Variants in DYTN observed in about 807,000 individuals in gnomAD.
The protein encoded by DYTN is dystrotelin.
A neutral mutation model predicts 69.6 loss-of-function variants in DYTN; 75 were observed. The observed-to-expected ratio is 1.08, with a 90% CI of 0.89 to 1.31. The LOEUF (loss-of-function observed/expected upper bound fraction) is 1.31. DYTN is among the 50% of genes most tolerant of loss of function. The probability of loss-of-function intolerance (pLI) is 0.00; values close to 1 mark genes in which losing one functional copy is unlikely to be tolerated. For missense variants in DYTN, 726 were observed against 688.4 expected (o/e 1.05, Z -0.61); for synonymous variants, 252 against 249.1 (o/e 1.01, Z -0.11).
chr2:206,663,653 T>C (rs1018728807), intron 10 of DYTN, among the ~76,000 whole-genome samples: 2 of 152,174 alleles, frequency 1.3e-5, no homozygotes, highest in Non-Finnish European at 2.9e-5. Context: ...AAATTCTGGG[T>C]TCTAAAAAGC....
intron 11 of DYTN, among the ~76,000 whole-genome samples, chr2:206,660,401 C>G (rs1391295197): frequency 6.6e-6 from 1 of 152,150 alleles, no homozygotes; most frequent in African/African-American, 2.4e-5. Flanking sequence ...TACAAACAAT[C>G]TAAAATGTGC....
chr2:206,695,871 C>A (rs1206035043), intron 7 of DYTN, among the ~76,000 whole-genome samples: 1 of 152,206 alleles, frequency 6.6e-6, no homozygotes, highest in African/African-American at 2.4e-5. Flanking sequence ...ATAGTCCCTA[C>A]CTGTCCTATT....
intron 9 of DYTN, among the ~76,000 whole-genome samples, chr2:206,679,555 T>C (rs1427989764): frequency 6.6e-6 from 1 of 152,144 alleles, no homozygotes; most frequent in Non-Finnish European, 1.5e-5. Context: ...TAGTTTAAGG[T>C]CAGGTATATT....
chr2:206,704,879 T>G lies in DYTN; in HGVS notation c.447A>C (p.Arg149=), dbSNP rs748645481. ...GGYDSGPRMT[R]RVLRKLLTDL... ...CTGTTAGTAGTTTTCTCAAAACCCT[T>G]CGAGTCATGCGTGGCCCAGAATCAT... The change falls in exon 5 of 12, where the codon CGA becomes CGC. Residue 149 remains arginine, a synonymous_variant. Transcript: ENST00000452335. The G allele has an allele frequency of 1.9e-6, 3 of 1,613,786 alleles. No homozygotes were observed. In the South Asian group the frequency reaches 3.3e-5, roughly 18 times the overall value.
intron 9 of DYTN, among the ~76,000 whole-genome samples, chr2:206,685,496 G>T (rs1699796556): frequency 6.6e-6 from 1 of 152,048 alleles, no homozygotes; most frequent in Non-Finnish European, 1.5e-5. Flanking sequence ...GTTAATTGTG[G>T]ACCAAGAAAA....
At chr2:206,673,764 C>T (rs72958668) in intron 9 of DYTN, among the ~76,000 whole-genome samples, 21,136 of 152,140 alleles carry the variant, frequency 0.14, 2,438 homozygotes, top group African/African-American at 0.31. Context: ...GAACTTTGTC[C>T]GCTAACGTGG....
chr2:206,661,567 C>A (rs1219847155), intron 11 of DYTN, among the ~76,000 whole-genome samples: 3 of 152,168 alleles, frequency 2.0e-5, no homozygotes, highest in Non-Finnish European at 4.4e-5. Context: ...CCTCAGCCTA[C>A]TCAACATGAA....
intron 2 of DYTN, among the ~76,000 whole-genome samples, 169 bp from the exon 3 acceptor site, chr2:206,707,672 C>A (rs10490747): frequency 0.32 from 49,186 of 151,902 alleles, 8,078 homozygotes; most frequent in East Asian, 0.44. Flanking sequence ...CTTGTGTATA[C>A]TTCAGGCGTT....
intron 9 of DYTN, among the ~76,000 whole-genome samples, chr2:206,677,071 C>T (rs574063125): frequency 3.3e-5 from 5 of 152,220 alleles, no homozygotes; most frequent in African/African-American, 1.2e-4. Context: ...CTCAACCTCC[C>T]GAGTAGCTGG....
At chr2:206,667,060 C>T (rs1220301961) in intron 9 of DYTN, among the ~76,000 whole-genome samples, 14 of 152,002 alleles carry the variant, frequency 9.2e-5, no homozygotes, top group Admixed American at 9.2e-4. Context: ...AAATATGAAC[C>T]AAGTAGTCAA....
intron 11 of DYTN, among the ~76,000 whole-genome samples, chr2:206,658,033 C>T (rs1272049288): frequency 1.3e-5 from 2 of 152,040 alleles, no homozygotes; most frequent in Non-Finnish European, 2.9e-5. Context: ...GTCCCTTAAA[C>T]GTTCATCACT....
At position 206,702,942 on chromosome 2, in the gene DYTN, T is replaced by G. The variant is rs575544489; in HGVS notation, c.483+1901A>C. Among the ~76,000 whole-genome samples, 8 of 152,206 alleles carry G rather than the reference T, an allele frequency of 5.3e-5. No individual in the cohort carries two copies. The East Asian group carries it at 1.4e-3, about 26-fold the overall frequency. ...GGCAGACACCACTTGAAACGATAAT[T>G]ATGATGTTTAGGGGGGGATTTGAAT... On this transcript the variant is annotated intron_variant, in intron 5 of 11. Coordinates refer to ENST00000452335, the MANE Select transcript of DYTN (RefSeq NM_001093730.1).
At chr2:206,703,719 C>G (rs1344836086) in intron 5 of DYTN, among the ~76,000 whole-genome samples, 2 of 152,152 alleles carry the variant, frequency 1.3e-5, no homozygotes, top group Non-Finnish European at 2.9e-5. Flanking sequence ...CGCCCTTGCT[C>G]CCATCATGCA....
At chr2:206,702,580 C>G (rs1407248080) in intron 5 of DYTN, among the ~76,000 whole-genome samples, 1 of 152,130 alleles carries the variant, frequency 6.6e-6, no homozygotes, top group Non-Finnish European at 1.5e-5. Context: ...AACTCATTAC[C>G]CATCGTTTGG....
intron 7 of DYTN, among the ~76,000 whole-genome samples, chr2:206,696,818 T>C (rs1314095312): frequency 1.3e-5 from 2 of 152,116 alleles, no homozygotes; most frequent in African/African-American, 2.4e-5. Flanking sequence ...CTACTTATAG[T>C]AGTACTAATA....
chr2:206,674,213 GA>G (rs34944664), intron 9 of DYTN, among the ~76,000 whole-genome samples: 14,794 of 151,486 alleles, frequency 0.098, 892 homozygotes, highest in Non-Finnish European at 0.14. Flanking sequence ...TGATCTTTAG[GA>G]AAAAAAATGA....
intron 11 of DYTN, 102 bp downstream of exon 11, chr2:206,662,801 A>T: frequency 6.7e-7 from 1 of 1,491,300 alleles, no homozygotes; most frequent in African/African-American, 1.4e-5. Context: ...ACTGCTACAT[A>T]CTAGATGAAC....
At chr2:206,660,701 C>A (rs968214181) in intron 11 of DYTN, among the ~76,000 whole-genome samples, 8 of 152,182 alleles carry the variant, frequency 5.3e-5, no homozygotes, top group Admixed American at 2.0e-4. Flanking sequence ...AGTTCCCATC[C>A]CTTGCCTTTT....
At chr2:206,653,422 A>T (rs754115054) in intron 11 of DYTN, among the ~76,000 whole-genome samples, 5 of 152,228 alleles carry the variant, frequency 3.3e-5, no homozygotes, top group Admixed American at 6.5e-5. Context: ...GCACATAGGC[A>T]GAGACCTAAT....
Sources: gnomAD v4.1 joint callset for allele counts (sites outside exome capture counted in the v4.1 genomes callset) on GRCh38, gnomAD v4.1.1 for gene constraint, MANE v1.5 for transcripts, NCBI Gene and HGNC (gene_info 2026-07-23, HGNC 2026-07-21) for gene names.